DCPH1: variants seen among roughly 807,000 people sequenced by gnomAD.
DCPH1 encodes the protein damage control phosphatase 1.
chr6:151,469,128 C>T, the DCPH1 span: 1 of 1,576,156 alleles, frequency 6.3e-7, no homozygotes, highest in South Asian at 1.2e-5. Flanking sequence ...TAGGAGCTCT[C>T]AGTTGCATAG....
the DCPH1 span, chr6:151,452,503 G>A: frequency 1.2e-6 from 2 of 1,608,344 alleles, no homozygotes; most frequent in African/African-American, 1.3e-5. Flanking sequence ...TGTTTCTGCG[G>A]CGATTGAACA....
the DCPH1 span, among the ~76,000 whole-genome samples, chr6:151,459,637 T>C: frequency 1.3e-5 from 2 of 151,798 alleles, no homozygotes; most frequent in Non-Finnish European, 2.9e-5. Context: ...ACAAAAAATA[T>C]ATAATTACCC....
the DCPH1 span, chr6:151,468,908 G>A: frequency 2.5e-6 from 4 of 1,614,044 alleles, no homozygotes; most frequent in Non-Finnish European, 3.4e-6. Context: ...AAGTTGACAG[G>A]TGACAGAAAA....
the DCPH1 span, chr6:151,469,859 T>TA: frequency 6.6e-6 from 1 of 152,230 alleles, no homozygotes; most frequent in East Asian, 1.9e-4. Context: ...ATGTTTTAAA[T>TA]ATCAGATTTT....
chr6:151,459,768 C>T, the DCPH1 span, among the ~76,000 whole-genome samples: 2 of 151,890 alleles, frequency 1.3e-5, no homozygotes. Context: ...CCAGCCTGGG[C>T]GACAGAGCGA....
chr6:151,468,763 A>T, the DCPH1 span: 2 of 1,614,208 alleles, frequency 1.2e-6, no homozygotes, highest in Non-Finnish European at 1.7e-6. Flanking sequence ...TAAAATGGGT[A>T]AATGGGTTTA....
chr6:151,458,270 T>G, the DCPH1 span: 2 of 1,551,838 alleles, frequency 1.3e-6, no homozygotes, highest in East Asian at 2.3e-5. Flanking sequence ...TATGTTACCC[T>G]AGAGGAATTG....
At chr6:151,470,007 A>G in the DCPH1 span, 1 of 152,198 alleles carries the variant, frequency 6.6e-6, no homozygotes, top group Non-Finnish European at 1.5e-5. Flanking sequence ...AGTAAATACT[A>G]AAAATTTCAG....
chr6:151,467,986 T>C, the DCPH1 span, among the ~76,000 whole-genome samples: 2 of 152,224 alleles, frequency 1.3e-5, no homozygotes, highest in Non-Finnish European at 2.9e-5. Flanking sequence ...TTCTCTTGAC[T>C]CTGGATTATA....
At chr6:151,458,057 G>A in the DCPH1 span, among the ~76,000 whole-genome samples, 1 of 152,116 alleles carries the variant, frequency 6.6e-6, no homozygotes, top group Non-Finnish European at 1.5e-5. Flanking sequence ...TGGAAAATCT[G>A]GCAGGGGTTC....
the DCPH1 span, among the ~76,000 whole-genome samples, chr6:151,455,408 G>A: frequency 2.6e-4 from 37 of 143,964 alleles, 1 homozygote; most frequent in Admixed American, 2.6e-3. Flanking sequence ...GTGTTTCTCC[G>A]AGAGAGGGAT....
the DCPH1 span, chr6:151,458,267 C>T: frequency 7.8e-6 from 12 of 1,543,398 alleles, no homozygotes; most frequent in Non-Finnish European, 8.7e-6. Flanking sequence ...AAATATGTTA[C>T]CCTAGAGGAA....
chr6:151,469,468 T>A, the DCPH1 span: 1 of 181,174 alleles, frequency 5.5e-6, no homozygotes, highest in African/African-American at 2.4e-5. Flanking sequence ...CTTGTTCTTT[T>A]CTTAAATAGT....
chr6:151,465,727 T>C, the DCPH1 span, among the ~76,000 whole-genome samples: 2 of 151,838 alleles, frequency 1.3e-5, no homozygotes, highest in Non-Finnish European at 2.9e-5. Flanking sequence ...GAAAATGACT[T>C]GGGGAGGGAG....
chr6:151,462,915 G>A, the DCPH1 span, among the ~76,000 whole-genome samples: 1 of 152,184 alleles, frequency 6.6e-6, no homozygotes, highest in Non-Finnish European at 1.5e-5. Flanking sequence ...AAAGGGCCAG[G>A]TAGTAAATCT....
At chr6:151,463,942 C>G in the DCPH1 span, among the ~76,000 whole-genome samples, 1 of 152,164 alleles carries the variant, frequency 6.6e-6, no homozygotes, top group Non-Finnish European at 1.5e-5. Flanking sequence ...AAAAAATTAT[C>G]ATTCTTCTAA....
chr6:151,468,863 A>G, the DCPH1 span: 5 of 1,614,070 alleles, frequency 3.1e-6, no homozygotes, highest in East Asian at 2.2e-5. Flanking sequence ...CAGAAGGCAC[A>G]TTTAATTTTA....
the DCPH1 span, among the ~76,000 whole-genome samples, chr6:151,453,489 C>T: frequency 6.6e-6 from 1 of 152,226 alleles, no homozygotes; most frequent in Non-Finnish European, 1.5e-5. Flanking sequence ...AAATTAAATT[C>T]TGATCAACGT....
the DCPH1 span, among the ~76,000 whole-genome samples, chr6:151,463,358 A>T: frequency 6.6e-6 from 1 of 152,200 alleles, no homozygotes; most frequent in African/African-American, 2.4e-5. Flanking sequence ...TTAAAAAAAA[A>T]GTTTTTATCC....
Sources: allele counts gnomAD v4.1 joint callset (sites outside exome capture counted in the v4.1 genomes callset), GRCh38; gene constraint gnomAD v4.1.1; transcripts MANE v1.5; gene names NCBI Gene and HGNC (gene_info 2026-07-23, HGNC 2026-07-21).